The following NXPE2 variants were observed in gnomAD, a reference collection of about 807,000 sequenced individuals.
NXPE2 encodes the protein NXPE family member 2.
In NXPE2, 34 loss-of-function variants were observed where a neutral mutation model predicts 34.4. The observed-to-expected ratio is 0.99, with a 90% CI of 0.75 to 1.31. The LOEUF (loss-of-function observed/expected upper bound fraction) is 1.31, where lower values mean the gene tolerates loss of function less well. Among genes scored for constraint, NXPE2 ranks in the 40% most tolerant of loss-of-function variants. The pLI, the probability that NXPE2 is intolerant of heterozygous loss-of-function variation, is 0.00. For synonymous variants in NXPE2, 235 were observed against 231.3 expected, an observed-to-expected ratio of 1.02 and a Z score of -0.15; for missense variants, 649 against 672.5, an observed-to-expected ratio of 0.97 and a Z score of 0.39.
chr11:114,666,820 CT>C, the NXPE2 span, among the ~76,000 whole-genome samples: 2 of 152,054 alleles, frequency 1.3e-5, no homozygotes, highest in Non-Finnish European at 2.9e-5. Context: ...AACATTTGAA[CT>C]GAATTCTTAT....
the NXPE2 span, among the ~76,000 whole-genome samples, chr11:114,523,344 T>C: frequency 6.6e-6 from 1 of 152,216 alleles, no homozygotes; most frequent in Non-Finnish European, 1.5e-5. Flanking sequence ...GAGCTAAATC[T>C]TGACGTTCTA....
At chr11:114,693,651 C>A (rs928967828) in intron 2 of NXPE2, among the ~76,000 whole-genome samples, 1 of 152,104 alleles carries the variant, frequency 6.6e-6, no homozygotes, top group African/African-American at 2.4e-5. Context: ...TCAAAATTAT[C>A]ATTAGAGTGT....
chr11:114,744,401 C>A, the NXPE2 span, among the ~76,000 whole-genome samples: 1 of 151,988 alleles, frequency 6.6e-6, no homozygotes, highest in African/African-American at 2.4e-5. Flanking sequence ...TAATATCTTA[C>A]CAGTTTAACA....
At chr11:114,766,598 T>C in the NXPE2 span, among the ~76,000 whole-genome samples, 1 of 151,798 alleles carries the variant, frequency 6.6e-6, no homozygotes, top group Non-Finnish European at 1.5e-5. Flanking sequence ...CTCTGTTCCT[T>C]CTTTCCCCTT....
chr11:114,635,526 C>T, the NXPE2 span, among the ~76,000 whole-genome samples: 1 of 152,002 alleles, frequency 6.6e-6, no homozygotes, highest in Non-Finnish European at 1.5e-5. Flanking sequence ...TGAGAGAGGG[C>T]ATCCCTGTCT....
At chr11:114,578,039 C>T in the NXPE2 span, among the ~76,000 whole-genome samples, 2 of 152,130 alleles carry the variant, frequency 1.3e-5, no homozygotes, top group African/African-American at 2.4e-5. Flanking sequence ...CTTCCATTTT[C>T]ATCACATTAA....
the NXPE2 span, among the ~76,000 whole-genome samples, chr11:114,636,821 T>A: frequency 6.6e-6 from 1 of 152,276 alleles, no homozygotes; most frequent in East Asian, 1.9e-4. Context: ...CACTGTGGTC[T>A]GAGAGACAGT....
At chr11:114,633,661 G>C in the NXPE2 span, among the ~76,000 whole-genome samples, 2 of 144,706 alleles carry the variant, frequency 1.4e-5, no homozygotes, top group Admixed American at 7.3e-5. Flanking sequence ...TCCCCTTCCT[G>C]TGTCCATGTG....
At chr11:114,562,345 T>G in the NXPE2 span, among the ~76,000 whole-genome samples, 1 of 152,222 alleles carries the variant, frequency 6.6e-6, no homozygotes, top group Non-Finnish European at 1.5e-5. Context: ...TTGGGGATTA[T>G]GCACAGCACT....
chr11:114,811,522 T>C, the NXPE2 span, among the ~76,000 whole-genome samples: 9 of 151,642 alleles, frequency 5.9e-5, no homozygotes, highest in Non-Finnish European at 8.8e-5. Context: ...GTGAGAAAAA[T>C]CCAAGCATGC....
chr11:114,563,725 C>T, the NXPE2 span, among the ~76,000 whole-genome samples: 1 of 152,160 alleles, frequency 6.6e-6, no homozygotes, highest in Non-Finnish European at 1.5e-5. Flanking sequence ...GAAAAATGCT[C>T]AACATCACTA....
the NXPE2 span, among the ~76,000 whole-genome samples, chr11:114,720,069 G>A: frequency 2.0e-5 from 3 of 152,100 alleles, no homozygotes; most frequent in South Asian, 2.1e-4. Flanking sequence ...CTCACCTATC[G>A]GCAGCATTTA....
At chr11:114,657,041 C>G in the NXPE2 span, among the ~76,000 whole-genome samples, 1 of 152,174 alleles carries the variant, frequency 6.6e-6, no homozygotes, top group Admixed American at 6.5e-5. Context: ...TTGCAGTGAG[C>G]TGAGATTGCG....
At chr11:114,777,208 A>T in the NXPE2 span, among the ~76,000 whole-genome samples, 1 of 152,170 alleles carries the variant, frequency 6.6e-6, no homozygotes, top group Non-Finnish European at 1.5e-5. Flanking sequence ...ACTGTAAACT[A>T]CTTTGAGTTA....
At chr11:114,649,893 G>A in the NXPE2 span, among the ~76,000 whole-genome samples, 1 of 152,188 alleles carries the variant, frequency 6.6e-6, no homozygotes, top group East Asian at 1.9e-4. Context: ...AGGGATTCTA[G>A]GGCTGGTTGG....
chr11:114,743,397 A>G, the NXPE2 span, among the ~76,000 whole-genome samples: 2 of 152,012 alleles, frequency 1.3e-5, no homozygotes, highest in African/African-American at 2.4e-5. Context: ...ACTTATTAAT[A>G]TTGCTTTTTA....
the NXPE2 span, among the ~76,000 whole-genome samples, chr11:114,535,517 T>C: frequency 6.6e-6 from 1 of 152,146 alleles, no homozygotes; most frequent in Admixed American, 6.5e-5. Flanking sequence ...GACCCATCAG[T>C]GTGCTGTATT....
chr11:114,497,904 T>C, the NXPE2 span, among the ~76,000 whole-genome samples: 1 of 152,196 alleles, frequency 6.6e-6, no homozygotes, highest in Non-Finnish European at 1.5e-5. Context: ...CTTATGTTTA[T>C]GTTATAAAAC....
the NXPE2 span, among the ~76,000 whole-genome samples, chr11:114,480,313 C>T: frequency 1.3e-5 from 2 of 152,192 alleles, no homozygotes; most frequent in South Asian, 4.1e-4. Flanking sequence ...GGAAGGAAAA[C>T]TATAATCCCT....
Sources: gnomAD v4.1 joint callset for allele counts (sites outside exome capture counted in the v4.1 genomes callset) on GRCh38, gnomAD v4.1.1 for gene constraint, MANE v1.5 for transcripts, NCBI Gene and HGNC (gene_info 2026-07-23, HGNC 2026-07-21) for gene names.